Variants in ARL8B observed in about 807,000 individuals in gnomAD.
The protein encoded by ARL8B is ARF like GTPase 8B, also known as ADP-ribosylation factor-like protein 8B.
ARL8B carries 9 observed loss-of-function variants against 30.6 expected under a neutral mutation model. That is an observed-to-expected ratio of 0.29 (90% CI 0.18 to 0.51). The LOEUF is 0.51. Ranked by LOEUF, ARL8B falls within the 20% of genes least tolerant of loss-of-function variation. The probability of loss-of-function intolerance (pLI) is 0.97; values close to 1 mark genes in which losing one functional copy is unlikely to be tolerated. For missense variants in ARL8B, 130 were observed against 227.2 expected, an observed-to-expected ratio of 0.57 and a Z score of 2.75; for synonymous variants, 74 against 76.0, an observed-to-expected ratio of 0.97 and a Z score of 0.14.
chr3:5,180,553 T>C lies in ARL8B; in HGVS notation c.*1840T>C, dbSNP rs1373023348. 1 of 152,694 alleles carries C rather than the reference T, an allele frequency of 6.5e-6. No homozygotes were observed. The highest frequency in any genetic ancestry group is 1.9e-4 in the East Asian group (1 of 5,206). The allele number at this position is 152,694 out of a possible 1,614,324, so 9.5% of individuals were successfully genotyped here. Reference sequence around the variant, plus strand: ...AAACCTTAATGTGTTTGTGTGTCTATACATTGCTTTCCGCATTTCAAGACA... The same window carrying C: ...AAACCTTAATGTGTTTGTGTGTCTACACATTGCTTTCCGCATTTCAAGACA... On this transcript the variant is annotated 3_prime_UTR_variant, in exon 7 of 7. Coordinates refer to ENST00000256496, the MANE Select transcript of ARL8B (RefSeq NM_018184.3).
chr3:5,124,009 G>A (rs191252190), intron 1 of ARL8B, among the ~76,000 whole-genome samples: 4 of 152,194 alleles, frequency 2.6e-5, no homozygotes, highest in Middle Eastern at 3.4e-3. Flanking sequence ...GCGTAGCTGG[G>A]ATTACAGACG....
Position 5,122,388 on chromosome 3 carries a change from C to T in ARL8B, c.-78C>T. 1.3e-6 allele frequency: 2 copies of T among 1,596,846 alleles called. No homozygotes were observed. Among genetic ancestry groups the T allele is most frequent in the Non-Finnish European group, 1.7e-6 (2 of 1,173,174 alleles). Reference sequence around the variant, plus strand: ...CCAAGGAGCCGTTGGAGGGTCCGGGCGGAGGCCCGCTCGTGTGGAAGTCGT... The same window carrying T: ...CCAAGGAGCCGTTGGAGGGTCCGGGTGGAGGCCCGCTCGTGTGGAAGTCGT... On this transcript the variant is annotated 5_prime_UTR_variant, in exon 1 of 7. Coordinates refer to ENST00000256496, the MANE Select transcript of ARL8B (RefSeq NM_018184.3).
rs1156354362 is a variant in ARL8B, at chr3:5,135,182, G to A, written c.123+12594G>A. Among the ~76,000 whole-genome samples the A allele has an allele frequency of 3.9e-5, 6 of 152,100 alleles. 1 individual carries two copies. The highest frequency in any genetic ancestry group is 8.8e-5 in the Non-Finnish European group (6 of 68,022). On this transcript the variant is annotated intron_variant, in intron 1 of 6. Coordinates refer to ENST00000256496, the MANE Select transcript of ARL8B (RefSeq NM_018184.3). Reference sequence around the variant, plus strand: ...TATTCTTTAGGCTAGTTAACATATAGTTCCTAGACATCCTATTTTATGTAA... The same window carrying A: ...TATTCTTTAGGCTAGTTAACATATAATTCCTAGACATCCTATTTTATGTAA...
At chr3:5,141,260 G>T (rs1210357988) in intron 1 of ARL8B, among the ~76,000 whole-genome samples, 5 of 152,074 alleles carry the variant, frequency 3.3e-5, no homozygotes, top group African/African-American at 1.2e-4. Context: ...CTCGAAAATG[G>T]ACCACTTAAA....
chr3:5,138,804 T>G (rs1450231203), intron 1 of ARL8B, among the ~76,000 whole-genome samples: 1 of 152,206 alleles, frequency 6.6e-6, no homozygotes, highest in Non-Finnish European at 1.5e-5. Context: ...GTCCATCATT[T>G]TAAGAGTTGA....
chr3:5,146,342 G>A (rs973658625), intron 1 of ARL8B, among the ~76,000 whole-genome samples: 3 of 152,314 alleles, frequency 2.0e-5, no homozygotes, highest in Middle Eastern at 3.4e-3. Flanking sequence ...ATAGTCCTTA[G>A]ATTTTGCACC....
chr3:5,142,745 G>GT lies in ARL8B; in HGVS notation c.123+20163dup, dbSNP rs1401687055. 2.6e-5 allele frequency among the ~76,000 whole-genome samples: 4 copies of GT among 152,168 alleles called. No homozygotes were observed. The East Asian group carries it at 5.8e-4, about 22-fold the overall frequency. On this transcript the variant is annotated intron_variant, in intron 1 of 6. Coordinates refer to ENST00000256496, the MANE Select transcript of ARL8B (RefSeq NM_018184.3). Reference sequence around the variant, plus strand: ...TAGTTCCAGGCAAATGAGAGGTTGAGTTTTTTATTAGTTTGAGAACAAATC... The same window carrying GT: ...TAGTTCCAGGCAAATGAGAGGTTGAGTTTTTTTATTAGTTTGAGAACAAATC...
chr3:5,123,102 G>C (rs995275288), intron 1 of ARL8B, among the ~76,000 whole-genome samples: 3 of 152,172 alleles, frequency 2.0e-5, no homozygotes, highest in Non-Finnish European at 4.4e-5. Flanking sequence ...CCTGAATTCT[G>C]TGGGCCGCTG....
intron 1 of ARL8B, among the ~76,000 whole-genome samples, chr3:5,142,056 T>C (rs1275532163): frequency 2.0e-5 from 3 of 152,274 alleles, no homozygotes; most frequent in Non-Finnish European, 4.4e-5. Flanking sequence ...CTGCTTTCAG[T>C]GGCCGTGTGT....
At chr3:5,131,505 C>T (rs934219523) in intron 1 of ARL8B, among the ~76,000 whole-genome samples, 5 of 152,056 alleles carry the variant, frequency 3.3e-5, no homozygotes, top group African/African-American at 4.8e-5. Flanking sequence ...ATTCTCCTGC[C>T]TCAGCCTCCT....
chr3:5,131,617 C>T (rs2054284692), intron 1 of ARL8B, among the ~76,000 whole-genome samples: 2 of 151,722 alleles, frequency 1.3e-5, no homozygotes, highest in South Asian at 4.2e-4. Flanking sequence ...TCTTGAACTC[C>T]TGACCTCAAG....
chr3:5,140,986 T>G (rs2054368608), intron 1 of ARL8B, among the ~76,000 whole-genome samples: 1 of 152,120 alleles, frequency 6.6e-6, no homozygotes, highest in Admixed American at 6.6e-5. Context: ...AGCACGCAAG[T>G]CCCTCCCCCA....
intron 1 of ARL8B, among the ~76,000 whole-genome samples, chr3:5,164,251 T>A (rs2054605489): frequency 6.6e-6 from 1 of 152,236 alleles, no homozygotes; most frequent in African/African-American, 2.4e-5. Context: ...TTTCCTGAAC[T>A]AATTGTCAGA....
intron 1 of ARL8B, among the ~76,000 whole-genome samples, chr3:5,165,114 A>G (rs1230491403): frequency 6.6e-6 from 1 of 152,196 alleles, no homozygotes; most frequent in Admixed American, 6.5e-5. Context: ...TCTCCATTGT[A>G]TAATACTAGT....
Position 5,122,481 on chromosome 3 carries a change from T to G in ARL8B, c.16T>G (p.Ser6Ala). 6.2e-7 allele frequency: 1 copy of G among 1,613,466 alleles called. No homozygotes were observed. Among genetic ancestry groups the G allele is most frequent in the Non-Finnish European group, 8.5e-7 (1 of 1,179,740 alleles). Reference sequence around the variant, plus strand: ...GGCCGCCATCATGCTGGCGCTCATCTCCCGCCTGCTGGACTGGTTCCGTTC... The same window carrying G: ...GGCCGCCATCATGCTGGCGCTCATCGCCCGCCTGCTGGACTGGTTCCGTTC... MLALI[S>A]RLLDWFRSLF... The change falls in exon 1 of 7, where the codon TCC (serine) becomes GCC (alanine). Residue 6 changes from serine to alanine, a missense_variant. Coordinates refer to ENST00000256496, the MANE Select transcript of ARL8B (RefSeq NM_018184.3).
intron 1 of ARL8B, among the ~76,000 whole-genome samples, chr3:5,140,266 T>A (rs937980907): frequency 2.6e-4 from 39 of 152,140 alleles, no homozygotes; most frequent in African/African-American, 8.4e-4. Context: ...CGGTGGGAGA[T>A]AACTGAATCA....
intron 1 of ARL8B, among the ~76,000 whole-genome samples, chr3:5,164,245 C>T (rs892339385): frequency 3.9e-5 from 6 of 152,084 alleles, no homozygotes; most frequent in African/African-American, 7.2e-5. Context: ...CTACTTTTTC[C>T]TGAACTAATT....
At position 5,145,865 on chromosome 3, in the gene ARL8B, T is replaced by C. The variant is rs1352606200; in HGVS notation, c.123+23277T>C. On this transcript the variant is annotated intron_variant, in intron 1 of 6. Coordinates refer to ENST00000256496, the MANE Select transcript of ARL8B (RefSeq NM_018184.3). The stretch of plus-strand genomic sequence containing the variant: ...TGATATTCTCTCTGGGTTTATTCTC[T>C]TTCCTTCACTAATCAGGTGTCCTAA... Among the ~76,000 whole-genome samples the C allele has an allele frequency of 2.0e-5, 3 of 152,224 alleles. No homozygotes were observed. The East Asian group carries it at 5.8e-4, about 29-fold the overall frequency.
chr3:5,143,203 G>C (rs561099903), intron 1 of ARL8B, among the ~76,000 whole-genome samples: 44 of 152,222 alleles, frequency 2.9e-4, no homozygotes, highest in Middle Eastern at 3.2e-3. Context: ...TGATTGGGTA[G>C]GGAGGAGTTG....
Sources: gnomAD v4.1 joint callset for allele counts (sites outside exome capture counted in the v4.1 genomes callset) on GRCh38, gnomAD v4.1.1 for gene constraint, MANE v1.5 for transcripts, NCBI Gene and HGNC (gene_info 2026-07-23, HGNC 2026-07-21) for gene names.